The following NUP153 variants were observed in gnomAD, a reference collection of about 807,000 sequenced individuals.
NUP153 encodes the protein nucleoporin 153, also known as nuclear pore complex protein Nup153.
NUP153 carries 27 observed loss-of-function variants against 134.6 expected under a neutral mutation model. That is an observed-to-expected ratio of 0.20 (90% CI 0.15 to 0.28). NUP153 has a LOEUF of 0.28. NUP153 is among the 10% of genes least tolerant of loss of function. The pLI is 1.00. For missense variants in NUP153, 1,821 were observed against 1,731.3 expected, an observed-to-expected ratio of 1.05 and a Z score of -0.92; for synonymous variants, 640 against 623.5, an observed-to-expected ratio of 1.03 and a Z score of -0.40.
chr6:17,697,825 T>C (rs2113861480), intron 1 of NUP153, among the ~76,000 whole-genome samples: 1 of 152,236 alleles, frequency 6.6e-6, no homozygotes, highest in South Asian at 2.1e-4. Flanking sequence ...GGCTATTCTA[T>C]AACACTAACT....
chr6:17,654,613 C>T (rs1766702066), intron 11 of NUP153, among the ~76,000 whole-genome samples: 1 of 152,136 alleles, frequency 6.6e-6, no homozygotes, highest in African/African-American at 2.4e-5. Context: ...AACCACCGCG[C>T]CCAGCTGACC....
intron 16 of NUP153, among the ~76,000 whole-genome samples, chr6:17,633,200 G>T (rs561029220): frequency 2.0e-5 from 3 of 152,118 alleles, no homozygotes; most frequent in Non-Finnish European, 4.4e-5. Flanking sequence ...TTTTTCTTAA[G>T]AATCTTTTTC....
chr6:17,624,600 T>C lies in NUP153; in HGVS notation c.4135A>G (p.Ser1379Gly). The C allele has an allele frequency of 1.9e-6, 3 of 1,614,160 alleles. No homozygotes were observed. The highest frequency in any genetic ancestry group is 2.5e-6 in the Non-Finnish European group (3 of 1,180,018). ...SQPPVFGQQPSQSAFGSGTTP... is the reference protein window; with the variant it reads ...SQPPVFGQQPGQSAFGSGTTP... Reference sequence around the variant, plus strand: ...GTTCCAGAGCCAAATGCAGACTGACTAGGTTGCTGTCCAAACACAGGGGGC... The same window carrying C: ...GTTCCAGAGCCAAATGCAGACTGACCAGGTTGCTGTCCAAACACAGGGGGC... Residue 1379 changes from serine (S) to glycine (G), a missense_variant, in exon 20 of 22, where the codon AGT becomes GGT. Physicochemically the swap from Ser to Gly is moderately conservative, Grantham distance 56. Coordinates refer to ENST00000262077, the MANE Select transcript of NUP153 (RefSeq NM_005124.4).
chr6:17,616,073 T>G lies in NUP153; in HGVS notation c.*24A>C, dbSNP rs781308536. 2 of 1,544,388 alleles carry G rather than the reference T, an allele frequency of 1.3e-6. No individual in the cohort carries two copies. Among genetic ancestry groups the G allele is most frequent in the Non-Finnish European group, 1.8e-6 (2 of 1,116,794 alleles). The stretch of plus-strand genomic sequence containing the variant: ...AGCAGGGCACCAGCTGTTGTTAAAA[T>G]TGAGTACAACACCAATGTGACCTTT... On this transcript the variant is annotated 3_prime_UTR_variant, in exon 22 of 22. Coordinates refer to ENST00000262077, the MANE Select transcript of NUP153 (RefSeq NM_005124.4).
At chr6:17,641,170 T>C (rs1032277581) in intron 14 of NUP153, among the ~76,000 whole-genome samples, 19 of 152,276 alleles carry the variant, frequency 1.2e-4, no homozygotes, top group African/African-American at 4.3e-4. Flanking sequence ...TTTGGGATTG[T>C]TGAAGAGTGA....
intron 20 of NUP153, among the ~76,000 whole-genome samples, chr6:17,620,387 T>A (rs570150085): frequency 6.6e-6 from 1 of 152,106 alleles, no homozygotes. Context: ...AGAACACGCA[T>A]TGGGAAAAGG....
chr6:17,670,095 C>CAAA (rs71002244), intron 5 of NUP153, among the ~76,000 whole-genome samples: 73 of 65,148 alleles, frequency 1.1e-3, no homozygotes, highest in African/African-American at 3.8e-3. Context: ...GACTCTTTCT[C>CAAA]AAAAAAAAAA....
intron 2 of NUP153, among the ~76,000 whole-genome samples, chr6:17,682,604 C>T (rs2113842921): frequency 6.6e-6 from 1 of 152,206 alleles, no homozygotes; most frequent in East Asian, 1.9e-4. Context: ...AGTATCTTCA[C>T]CAAGAGTAGA....
At position 17,667,284 on chromosome 6, in the gene NUP153, C is replaced by T. The variant is rs528572820; in HGVS notation, c.1068+1691G>A. The stretch of plus-strand genomic sequence containing the variant: ...AGCAACACTCTTCCAATAAAAAGTT[C>T]AATATTAGCTTTCTTTGCATCAGAA... On this transcript the variant is annotated intron_variant, in intron 8 of 21. Transcript: ENST00000262077. Among the ~76,000 whole-genome samples, 4 of 152,204 alleles carry T rather than the reference C, an allele frequency of 2.6e-5. No individual in the cohort carries two copies. In the South Asian group the frequency reaches 8.3e-4, roughly 32 times the overall value.
chr6:17,640,121 T>C (rs1315876383), intron 14 of NUP153, 57 bp from the exon 15 acceptor site: 1 of 1,328,812 alleles, frequency 7.5e-7, no homozygotes, highest in South Asian at 1.6e-5. Flanking sequence ...GACTCTCAAA[T>C]GCATTTTTAA....
At chr6:17,690,563 G>A (rs376279477) in intron 1 of NUP153, among the ~76,000 whole-genome samples, 11 of 152,258 alleles carry the variant, frequency 7.2e-5, no homozygotes, top group Admixed American at 5.9e-4. Flanking sequence ...GAAACATACT[G>A]AAAACTTTTT....
chr6:17,631,790 C>A (rs991173579), intron 17 of NUP153, among the ~76,000 whole-genome samples: 1 of 151,980 alleles, frequency 6.6e-6, no homozygotes, highest in East Asian at 1.9e-4. Context: ...CATGGTGAAA[C>A]CCCCGTCTCT....
At chr6:17,672,822 T>A (rs941832126) in intron 5 of NUP153, among the ~76,000 whole-genome samples, 7 of 152,094 alleles carry the variant, frequency 4.6e-5, no homozygotes, top group East Asian at 1.9e-4. Context: ...TTTCATTTTT[T>A]AAAAAAACTT....
chr6:17,656,204 A>G (rs1766814570), intron 11 of NUP153, among the ~76,000 whole-genome samples: 1 of 152,186 alleles, frequency 6.6e-6, no homozygotes. Context: ...GACTCTGACA[A>G]ATAAATAAAC....
At chr6:17,688,872 C>T (rs1769109388) in intron 1 of NUP153, among the ~76,000 whole-genome samples, 1 of 151,818 alleles carries the variant, frequency 6.6e-6, no homozygotes, top group African/African-American at 2.4e-5. Flanking sequence ...TTAAAAAAAC[C>T]CCAAAAGGCC....
intron 16 of NUP153, among the ~76,000 whole-genome samples, chr6:17,635,268 C>T (rs868038389): frequency 1.2e-4 from 18 of 152,032 alleles, no homozygotes; most frequent in South Asian, 4.1e-4. Flanking sequence ...CGCCACCACA[C>T]CCGGCTAATT....
In NUP153 at chr6:17,675,623, G is replaced by A. The variant is rs1342354245; in HGVS notation, c.482C>T (p.Ser161Leu). 1.1e-5 allele frequency: 18 copies of A among 1,613,902 alleles called. No individual in the cohort carries two copies. The African/African-American group carries it at 1.2e-4, about 11-fold the overall frequency. Residue 161 changes from serine to leucine, a missense_variant, in exon 3 of 22, where the codon TCG becomes TTG. Ser to Leu is a moderately radical substitution (Grantham distance 145). Coordinates refer to ENST00000262077, the MANE Select transcript of NUP153 (RefSeq NM_005124.4). The surrounding 1 kb of genome is among the most constrained non-coding windows in gnomAD (Gnocchi z 4.4). The stretch of plus-strand genomic sequence containing the variant: ...AATTTCCTTTACAAGGGAAAATCCC[G>A]AACTGCCAATTGGGAATGCCGAGGA... ...STSSAFPIGS[S>L]GFSLVKEIKD...
chr6:17,686,688 AG>A (rs1405117679), intron 2 of NUP153, among the ~76,000 whole-genome samples: 1 of 151,572 alleles, frequency 6.6e-6, no homozygotes, highest in Non-Finnish European at 1.5e-5. Flanking sequence ...TTAAAAGTTA[AG>A]AAAAAAAAAC....
chr6:17,654,994 G>C, intron 11 of NUP153, among the ~76,000 whole-genome samples: 1 of 152,138 alleles, frequency 6.6e-6, no homozygotes, highest in East Asian at 1.9e-4. Context: ...ATTTGACCAA[G>C]GTCACCCAGC....
Sources: gnomAD v4.1 joint callset for allele counts (sites outside exome capture counted in the v4.1 genomes callset) on GRCh38, gnomAD v4.1.1 for gene constraint, Gnocchi (gnomAD v3.1) non-coding constraint, MANE v1.5 for transcripts, NCBI Gene and HGNC (gene_info 2026-07-23, HGNC 2026-07-21) for gene names.